The following TMEM132B variants were observed in gnomAD, a reference collection of about 807,000 sequenced individuals.
TMEM132B encodes transmembrane protein 132B.
TMEM132B carries 18 observed loss-of-function variants against 90.8 expected under a neutral mutation model. The observed-to-expected ratio is 0.20, with a 90% CI of 0.14 to 0.29. The LOEUF (loss-of-function observed/expected upper bound fraction) is 0.29. TMEM132B is among the 10% of genes least tolerant of loss of function. TMEM132B has a pLI of 1.00. For synonymous variants in TMEM132B, 504 were observed against 523.3 expected, an observed-to-expected ratio of 0.96 and a Z score of 0.50; for missense variants, 1,096 against 1,326.8, an observed-to-expected ratio of 0.83 and a Z score of 2.70.
chr12:125,503,026 A>T (rs1882739846), intron 3 of TMEM132B, among the ~76,000 whole-genome samples: 1 of 152,228 alleles, frequency 6.6e-6, no homozygotes, highest in African/African-American at 2.4e-5. Context: ...TGAGTTCAGC[A>T]GGTGCGGTCC....
chr12:125,266,619 T>C (rs935092605), intron 1 of TMEM132B, among the ~76,000 whole-genome samples: 1 of 152,218 alleles, frequency 6.6e-6, no homozygotes, highest in African/African-American at 2.4e-5. Context: ...TGTTTTGGCA[T>C]GGTTGGGGCT....
chr12:125,330,333 CT>C (rs75180932), intron 1 of TMEM132B, among the ~76,000 whole-genome samples: 1,598 of 124,432 alleles, frequency 0.013, 12 homozygotes, highest in African/African-American at 0.03. Context: ...TAAGGGGTTT[CT>C]TTTTTTTTTT....
chr12:125,372,309 C>T (rs1035970367), intron 2 of TMEM132B, among the ~76,000 whole-genome samples: 1 of 152,218 alleles, frequency 6.6e-6, no homozygotes, highest in East Asian at 1.9e-4. Context: ...CATAAAGTAT[C>T]CCTTGAGTGG....
intron 2 of TMEM132B, among the ~76,000 whole-genome samples, chr12:125,380,874 T>C (rs1006286444): frequency 6.6e-6 from 1 of 152,220 alleles, no homozygotes; most frequent in African/African-American, 2.4e-5. Flanking sequence ...CCTTCTGTCC[T>C]TCTGGCCTAG....
intron 1 of TMEM132B, chr12:125,326,669 G>T (rs201281880): frequency 1.9e-6 from 3 of 1,606,334 alleles, no homozygotes; most frequent in South Asian, 1.1e-5. Context: ...TGTCTGCACC[G>T]GGGGAGGTCG....
intron 1 of TMEM132B, among the ~76,000 whole-genome samples, chr12:125,315,479 G>A (rs765049696): frequency 2.2e-4 from 33 of 152,188 alleles, no homozygotes; most frequent in Non-Finnish European, 3.8e-4. Flanking sequence ...GATTAAAGGC[G>A]TGAACCACCA....
chr12:125,307,669 C>G (rs1314974114), intron 1 of TMEM132B, among the ~76,000 whole-genome samples: 2 of 101,772 alleles, frequency 2.0e-5, no homozygotes, highest in Non-Finnish European at 4.3e-5. Context: ...TCTACTTTCT[C>G]TCCAGAGGTA....
intron 1 of TMEM132B, among the ~76,000 whole-genome samples, chr12:125,345,772 C>T (rs1877337516): frequency 6.6e-6 from 1 of 152,168 alleles, no homozygotes. Flanking sequence ...TTCCTCATTT[C>T]CTGCTCTCAG....
intron 1 of TMEM132B, among the ~76,000 whole-genome samples, chr12:125,225,809 TCTTA>T (rs1401997080): frequency 5.9e-5 from 9 of 152,286 alleles, no homozygotes; most frequent in Admixed American, 5.9e-4. Context: ...TGCACCTCCT[TCTTA>T]CTTGCGTTCC....
At chr12:125,310,002 C>T (rs1876086004) in intron 1 of TMEM132B, among the ~76,000 whole-genome samples, 1 of 152,148 alleles carries the variant, frequency 6.6e-6, no homozygotes, top group South Asian at 2.1e-4. Context: ...CCATGAGCCC[C>T]TTCCTGTGGC....
chr12:125,601,886 A>C (rs1885580716), intron 5 of TMEM132B, among the ~76,000 whole-genome samples: 1 of 152,244 alleles, frequency 6.6e-6, no homozygotes, highest in Non-Finnish European at 1.5e-5. Context: ...ATTCCTGGAC[A>C]CATACACCCT....
intron 1 of TMEM132B, among the ~76,000 whole-genome samples, chr12:125,195,313 C>A (rs376276869): frequency 6.6e-6 from 1 of 151,740 alleles, no homozygotes; most frequent in Non-Finnish European, 1.5e-5. Context: ...ACTAAACACA[C>A]CGTTCATTAC....
intron 1 of TMEM132B, among the ~76,000 whole-genome samples, chr12:125,237,558 C>T (rs994347204): frequency 2.0e-5 from 3 of 152,182 alleles, no homozygotes; most frequent in Admixed American, 6.5e-5. Context: ...AAGCAATTCT[C>T]GTGCCTCAGC....
intron 1 of TMEM132B, among the ~76,000 whole-genome samples, chr12:125,318,889 T>C (rs183228557): frequency 1.0e-4 from 16 of 152,382 alleles, no homozygotes; most frequent in Admixed American, 8.5e-4. Flanking sequence ...ATTAAAAATA[T>C]GTTGTTTGAA....
intron 1 of TMEM132B, among the ~76,000 whole-genome samples, chr12:125,289,354 G>A (rs1218446929): frequency 6.6e-6 from 1 of 152,184 alleles, no homozygotes; most frequent in African/African-American, 2.4e-5. Context: ...TGCTTTCCTT[G>A]TGTTAACTTC....
intron 2 of TMEM132B, among the ~76,000 whole-genome samples, chr12:125,381,643 A>C (rs1342262484): frequency 6.6e-6 from 1 of 152,186 alleles, no homozygotes; most frequent in East Asian, 1.9e-4. Context: ...GAGGGGCAGC[A>C]GAGCAGTGCT....
At chr12:125,191,230 G>GTGGTGA (rs1473985132) in intron 1 of TMEM132B, among the ~76,000 whole-genome samples, 1 of 146,400 alleles carries the variant, frequency 6.8e-6, no homozygotes, top group African/African-American at 2.5e-5. Flanking sequence ...AGGGGTGGTG[G>GTGGTGA]TGGTGATGGT....
intron 1 of TMEM132B, among the ~76,000 whole-genome samples, chr12:125,304,736 A>G (rs1593076936): frequency 6.6e-6 from 1 of 152,192 alleles, no homozygotes. Context: ...GGGGCTGAGG[A>G]GGGAGAATCT....
intron 5 of TMEM132B, among the ~76,000 whole-genome samples, chr12:125,638,825 C>T (rs1356906734): frequency 6.6e-6 from 1 of 152,202 alleles, no homozygotes; most frequent in East Asian, 1.9e-4. Flanking sequence ...AACATATTCA[C>T]ATCTGGAGAG....
Sources: allele counts gnomAD v4.1 joint callset (sites outside exome capture counted in the v4.1 genomes callset), GRCh38; gene constraint gnomAD v4.1.1; transcripts MANE v1.5; gene names NCBI Gene and HGNC (gene_info 2026-07-23, HGNC 2026-07-21).